PIK3R3: variants seen among roughly 807,000 people sequenced by gnomAD.
PIK3R3 encodes the protein phosphoinositide-3-kinase regulatory subunit 3.
PIK3R3 carries 64 observed loss-of-function variants against 62.9 expected under a neutral mutation model. That is an observed-to-expected ratio of 1.02 (90% CI 0.83 to 1.25). PIK3R3 has a LOEUF of 1.25. Ranked by LOEUF, PIK3R3 falls within the 50% of genes most tolerant of loss-of-function variation. PIK3R3 has a pLI of 0.00. For synonymous variants in PIK3R3, 165 were observed against 189.0 expected (o/e 0.87, Z 1.04); for missense variants, 614 against 561.6 (o/e 1.09, Z -0.94).
At chr1:46,132,808 A>T (rs1002935807), upstream of PIK3R3, 5 of 1,236,162 alleles carry the variant, frequency 4.0e-6, no homozygotes, top group Non-Finnish European at 5.2e-6. Flanking sequence ...GTGCCTGAGA[A>T]CATGTTCAAA....
intron 5 of PIK3R3, 109 bp from the exon 6 acceptor site, chr1:46,062,180 A>G (rs1648564442): frequency 1.2e-6 from 1 of 844,116 alleles, no homozygotes; most frequent in South Asian, 1.8e-5. Context: ...AATCCCATAT[A>G]ACACCTAGTC....
rs1377090037 is a variant in PIK3R3, at chr1:46,067,008, A to T, written c.398T>A (p.Val133Glu). 1 of 1,606,924 alleles carries T rather than the reference A, an allele frequency of 6.2e-7. No individual in the cohort carries two copies. The highest frequency in any genetic ancestry group is 8.5e-7 in the Non-Finnish European group (1 of 1,177,272). ...GTGATAGTGGTTAATGAGCTCCACC[A>T]CGGAATTAAATGTCAGAGGATCAGA... The part of the protein sequence containing the change: ...GFSDPLTFNS[V>E]VELINHYHHE... The change falls in exon 4 of 10, where the codon GTG (valine) becomes GAG (glutamate). Residue 133 changes from valine (V) to glutamate (E), a missense_variant. Val to Glu is a moderately radical substitution (Grantham distance 121). Coordinates refer to ENST00000262741, the MANE Select transcript of PIK3R3 (RefSeq NM_003629.4).
In PIK3R3 at chr1:46,055,944, T is replaced by G; in HGVS notation, c.792A>C (p.Lys264Asn). The G allele has an allele frequency of 6.3e-7, 1 of 1,595,436 alleles. No individual in the cohort carries two copies. Among genetic ancestry groups the G allele is most frequent in the Non-Finnish European group, 8.5e-7 (1 of 1,172,908 alleles). ...ERIMMNYDKLKSRLGEIHDSK... is the reference protein window; with the variant it reads ...ERIMMNYDKLNSRLGEIHDSK... ...TATCATGAATCTCACCCAGACGTGATTTCAATTTATCATAATTCATCATAA... is the reference window on the plus strand; with the variant it reads ...TATCATGAATCTCACCCAGACGTGAGTTCAATTTATCATAATTCATCATAA... The change falls in exon 7 of 10, where the codon AAA becomes AAC. Residue 264 changes from lysine to asparagine, a missense_variant. Lys to Asn is a moderately conservative substitution (Grantham distance 94). Transcript: ENST00000262741.
Position 46,046,644 on chromosome 1 carries a change from C to G in PIK3R3, c.942-19G>C. On this transcript the variant is annotated intron_variant, in intron 7 of 9. Transcript: ENST00000262741. The stretch of plus-strand genomic sequence containing the variant: ...GAGCCATCTGCCAGAGGAAAGACAC[C>G]AGTGTCAGTATCCATGCAAACTCTG... The G allele has an allele frequency of 6.3e-7, 1 of 1,575,354 alleles. No homozygotes were observed. The highest frequency in any genetic ancestry group is 1.1e-5 in the South Asian group (1 of 90,242).
intron 3 of PIK3R3, among the ~76,000 whole-genome samples, chr1:46,067,891 T>C (rs1402282240): frequency 1.3e-5 from 2 of 152,172 alleles, no homozygotes; most frequent in Non-Finnish European, 2.9e-5. Context: ...TAACTAAAGT[T>C]TAAAATAGCA....
At chr1:46,144,228 G>T in the PIK3R3 span, among the ~76,000 whole-genome samples, 2 of 152,210 alleles carry the variant, frequency 1.3e-5, no homozygotes, top group African/African-American at 4.8e-5. Flanking sequence ...AAGGAAGCCG[G>T]TCTTCAGAAA....
chr1:46,170,343 C>T, the PIK3R3 span, among the ~76,000 whole-genome samples: 7 of 152,104 alleles, frequency 4.6e-5, no homozygotes, highest in African/African-American at 7.2e-5. Flanking sequence ...ACCTGCTGCC[C>T]CCTGCCCCTC....
rs1025282170 is a variant in PIK3R3 at position 46,062,069 on chromosome 1, T to C, written c.624A>G (p.Glu208=). Residue 208 remains glutamate, a splice_region_variant and synonymous_variant, in exon 6 of 10, where the codon GAA becomes GAG. Coordinates refer to ENST00000262741, the MANE Select transcript of PIK3R3 (RefSeq NM_003629.4). ...LYEEYTRTSQ[E]IQMKRTAIEA... is the part of the protein sequence containing the mutation. Reference sequence around the variant, plus strand: ...CTATTGCAGTCCTCTTCATCTGTATTTCCTACAGGAGAGAAAAAGAAAAAA... The same window carrying C: ...CTATTGCAGTCCTCTTCATCTGTATCTCCTACAGGAGAGAAAAAGAAAAAA... 1.3e-6 allele frequency: 2 copies of C among 1,598,312 alleles called. No individual in the cohort carries two copies. Among genetic ancestry groups the C allele is most frequent in the Non-Finnish European group, 1.7e-6 (2 of 1,175,882 alleles).
chr1:46,142,524 C>A, the PIK3R3 span, among the ~76,000 whole-genome samples: 1 of 152,050 alleles, frequency 6.6e-6, no homozygotes, highest in East Asian at 1.9e-4. Context: ...CGGTGAAACC[C>A]CGTCTCTACT....
Position 46,043,461 on chromosome 1 carries a change from A to T in PIK3R3, c.*212T>A. On this transcript the variant is annotated 3_prime_UTR_variant, in exon 10 of 10. Transcript: ENST00000262741. ...AAAAAACATCTGCTTCCAGCTTAGT[A>T]TGTCAGTGCAGCGGCATGGCTGAGT... is the stretch of plus-strand genomic sequence containing the variant. 1.8e-6 allele frequency: 1 copy of T among 565,568 alleles called. No homozygotes were observed. 35.0% of individuals were successfully genotyped at this position (565,568 alleles called of 1,614,324 possible).
chr1:46,145,556 A>G, the PIK3R3 span, among the ~76,000 whole-genome samples: 2 of 152,088 alleles, frequency 1.3e-5, no homozygotes, highest in African/African-American at 4.8e-5. Context: ...CCAAGGAAAC[A>G]AGGCTCTTTT....
At chr1:46,142,703 A>T in the PIK3R3 span, among the ~76,000 whole-genome samples, 1 of 145,256 alleles carries the variant, frequency 6.9e-6, no homozygotes, top group Non-Finnish European at 1.5e-5. Context: ...GTCTCAAAAT[A>T]AAAAAAAAAA....
At chr1:46,068,917 C>G (rs1649250279) in intron 3 of PIK3R3, among the ~76,000 whole-genome samples, 1 of 152,164 alleles carries the variant, frequency 6.6e-6, no homozygotes, top group African/African-American at 2.4e-5. Context: ...TTAAAAGATT[C>G]ACTCTAGCTG....
Position 46,067,049 on chromosome 1 carries a change from A to G in PIK3R3, c.357T>C (p.Asp119=). 6.3e-7 allele frequency: 1 copy of G among 1,598,184 alleles called. No individual in the cohort carries two copies. The change falls in exon 4 of 10, where the codon GAT becomes GAC. Residue 119 remains aspartate, a synonymous_variant. Coordinates refer to ENST00000262741, the MANE Select transcript of PIK3R3 (RefSeq NM_003629.4). ...GAGGATCAGAAAAGCCATATTTACC[A>G]TCCCGGTGATAGATCTTTATTAACT... ...NNKLIKIYHR[D]GKYGFSDPLT...
At chr1:46,128,846 C>T (rs1232841983) in intron 1 of PIK3R3, among the ~76,000 whole-genome samples, 3 of 152,042 alleles carry the variant, frequency 2.0e-5, no homozygotes, top group Non-Finnish European at 4.4e-5. Context: ...TTTGGGAGGC[C>T]GAGGCAGGCA....
chr1:46,131,403 T>C (rs1379137791), intron 1 of PIK3R3, among the ~76,000 whole-genome samples: 1 of 152,106 alleles, frequency 6.6e-6, no homozygotes, highest in African/African-American at 2.4e-5. Context: ...CGAACCAAAT[T>C]AGACAAATGT....
chr1:46,146,686 T>TACACACACACACACACAC, the PIK3R3 span, among the ~76,000 whole-genome samples: 1 of 92,808 alleles, frequency 1.1e-5, no homozygotes, highest in Non-Finnish European at 2.2e-5. Flanking sequence ...CCTCCAACTC[T>TACACACACACACACACAC]ACACACACAC....
At chr1:46,071,728 TATAGAG>T (rs1394508349) in intron 3 of PIK3R3, among the ~76,000 whole-genome samples, 1 of 48,952 alleles carries the variant, frequency 2.0e-5, no homozygotes, top group African/African-American at 1.1e-4. Flanking sequence ...TATATATATA[TATAGAG>T]AGAGAGAGAG....
At chr1:46,134,512 C>T (rs1389164679), upstream of PIK3R3, 2 of 152,168 alleles carry the variant, frequency 1.3e-5, no homozygotes, top group Non-Finnish European at 2.9e-5. Context: ...ATTATAATTT[C>T]CTGAACCATT....
Sources: gnomAD v4.1 joint callset for allele counts (sites outside exome capture counted in the v4.1 genomes callset) on GRCh38, gnomAD v4.1.1 for gene constraint, MANE v1.5 for transcripts, NCBI Gene and HGNC (gene_info 2026-07-23, HGNC 2026-07-21) for gene names.